RUFY2: variants seen among roughly 807,000 people sequenced by gnomAD.
The protein encoded by RUFY2 is RUN and FYVE domain containing 2.
RUFY2 carries 49 observed loss-of-function variants against 94.4 expected under a neutral mutation model. The ratio of observed to expected loss-of-function variants is 0.52; its 90% CI spans 0.41 to 0.66. The LOEUF (loss-of-function observed/expected upper bound fraction) is 0.66. Among genes scored for constraint, RUFY2 ranks in the 30% least tolerant of loss-of-function variants. The probability of loss-of-function intolerance (pLI) is 0.00; values close to 1 mark genes in which losing one functional copy is unlikely to be tolerated. For synonymous variants in RUFY2, 255 were observed against 235.7 expected (o/e 1.08, Z -0.75); for missense variants, 541 against 692.8 (o/e 0.78, Z 2.46).
chr10:68,392,613 A>G (rs932285143), intron 7 of RUFY2, among the ~76,000 whole-genome samples: 27 of 151,980 alleles, frequency 1.8e-4, no homozygotes, highest in African/African-American at 6.5e-4. Context: ...AATCTGATGA[A>G]GATTCTGTAT....
intron 12 of RUFY2, chr10:68,377,382 T>TCTG: frequency 9.7e-7 from 1 of 1,035,950 alleles, no homozygotes; most frequent in Non-Finnish European, 1.2e-6. Flanking sequence ...CTGTTATATG[T>TCTG]TATGCTAGGA....
chr10:68,378,210 AT>A (rs1028774593), intron 12 of RUFY2: 1 of 999,426 alleles, frequency 1.0e-6, no homozygotes, highest in Non-Finnish European at 1.2e-6. Context: ...TGAGAAAAAA[AT>A]ATCTGTGCCA....
intron 16 of RUFY2, 190 bp from the exon 17 acceptor site, chr10:68,346,274 T>C (rs1358792581): frequency 1.8e-6 from 1 of 543,636 alleles, no homozygotes; most frequent in East Asian, 3.3e-5. Context: ...GTTGGGGAGG[T>C]GGGATGTGGA....
intron 12 of RUFY2, chr10:68,378,639 T>C (rs1382048279): frequency 6.2e-7 from 1 of 1,613,012 alleles, no homozygotes; most frequent in Non-Finnish European, 8.5e-7. Context: ...GACATTGCAA[T>C]TGTCCTAGTT....
chr10:68,342,585 TATC>T, downstream of RUFY2: 1 of 152,696 alleles, frequency 6.5e-6, no homozygotes, highest in Non-Finnish European at 1.5e-5. Flanking sequence ...AAATGTCATT[TATC>T]AGGCATAGCT....
At position 68,394,317 on chromosome 10, in the gene RUFY2, C is replaced by G. The variant is rs370132178; in HGVS notation, c.522+11G>C. ...AACACTCTGCATTTGGCACTAGTCA[C>G]TTTCACTTACTTGTGAGTCTAAATC... On this transcript the variant is annotated intron_variant, in intron 5 of 17. Transcript: ENST00000602465. 1.9e-6 allele frequency: 3 copies of G among 1,613,732 alleles called. No individual in the cohort carries two copies. The African/African-American group carries it at 4.0e-5, about 22-fold the overall frequency.
intron 15 of RUFY2, among the ~76,000 whole-genome samples, chr10:68,359,548 T>C (rs1247698544): frequency 1.4e-5 from 2 of 144,334 alleles, no homozygotes; most frequent in Admixed American, 7.2e-5. Context: ...AATGCTACTA[T>C]ATATAAAAAT....
Position 68,345,268 on chromosome 10 carries a change from G to A in RUFY2, c.*500C>T, listed in dbSNP as rs986329758. Reference sequence around the variant, plus strand: ...AATATTGGCCCTGTCTAATGCAAGAGGCAAAGGGAGAGGGGGAGAAGAAAG... The same window carrying A: ...AATATTGGCCCTGTCTAATGCAAGAAGCAAAGGGAGAGGGGGAGAAGAAAG... On this transcript the variant is annotated 3_prime_UTR_variant, in exon 18 of 18. Transcript: ENST00000602465. 4 of 199,716 alleles carry A rather than the reference G, an allele frequency of 2.0e-5. No homozygotes were observed. The highest frequency in any genetic ancestry group is 3.0e-5 in the Non-Finnish European group (3 of 100,138). The allele number at this position is 199,716 out of a possible 1,614,324, so 12.4% of individuals were successfully genotyped here. A position where few individuals can be genotyped will look rare whatever the true frequency, so the allele number is the denominator to read the frequency against.
At chr10:68,351,367 A>G (rs2046657122) in intron 16 of RUFY2, among the ~76,000 whole-genome samples, 1 of 149,040 alleles carries the variant, frequency 6.7e-6, no homozygotes. Context: ...CAAACTCCTG[A>G]CCTTGTGATC....
In RUFY2 at chr10:68,377,518, G is replaced by GTA. The variant is rs915279648; in HGVS notation, c.1206-547_1206-546insTA. ...ACTAAATTATGCCGAAGCTCTGTGTGTGTGTGTGTGTGCACGTGTGCATAT... is the reference window on the plus strand; with the variant it reads ...ACTAAATTATGCCGAAGCTCTGTGTGTATGTGTGTGTGTGCACGTGTGCATAT... On this transcript the variant is annotated intron_variant, in intron 12 of 17. Transcript: ENST00000602465. 6 of 986,638 alleles carry GTA rather than the reference G, an allele frequency of 6.1e-6. No individual in the cohort carries two copies. In the African/African-American group the frequency reaches 7.0e-5, roughly 11 times the overall value. The allele number at this position is 986,638 out of a possible 1,614,324, so 61.1% of individuals were successfully genotyped here.
intron 15 of RUFY2, among the ~76,000 whole-genome samples, chr10:68,360,372 G>C (rs2047374148): frequency 1.3e-5 from 2 of 151,750 alleles, no homozygotes; most frequent in South Asian, 4.2e-4. Context: ...GAAGCAAGAG[G>C]ACTCCTTGAG....
intron 13 of RUFY2, 79 bp from the exon 14 acceptor site, chr10:68,364,192 C>A: frequency 7.3e-7 from 1 of 1,369,142 alleles, no homozygotes; most frequent in East Asian, 2.5e-5. Flanking sequence ...CTAAAATCAC[C>A]CTTTTGGTTT....
At chr10:68,364,149 A>G in intron 13 of RUFY2, 36 bp from the exon 14 acceptor site, 16 of 1,587,910 alleles carry the variant, frequency 1.0e-5, no homozygotes, top group Admixed American at 1.7e-5. Flanking sequence ...GCTCAGTGCT[A>G]TTTCTCACAC....
In RUFY2 at chr10:68,371,625, G is replaced by C. The variant is rs572770504; in HGVS notation, c.1325+5228C>G. ...AAAAGACCCAACATTCACGGTATCA[G>C]AGGCTCTGAAGGGGAGAAGAAAGCA... is the stretch of plus-strand genomic sequence containing the variant. On this transcript the variant is annotated intron_variant, in intron 13 of 17. Coordinates refer to ENST00000602465, the MANE Select transcript of RUFY2 (RefSeq NM_001330103.2). Among the ~76,000 whole-genome samples, 3 of 150,746 alleles carry C rather than the reference G, an allele frequency of 2.0e-5. No individual in the cohort carries two copies. In the South Asian group the frequency reaches 6.3e-4, roughly 32 times the overall value.
intron 16 of RUFY2, among the ~76,000 whole-genome samples, chr10:68,350,293 G>T (rs2046575840): frequency 6.6e-6 from 1 of 152,154 alleles, no homozygotes; most frequent in African/African-American, 2.4e-5. Context: ...TTACAGCCGT[G>T]AGCCACCATG....
chr10:68,394,473 G>T, intron 4 of RUFY2, 22 bp from the exon 5 acceptor site: 1 of 1,553,586 alleles, frequency 6.4e-7, no homozygotes. Flanking sequence ...TAAAAAATAA[G>T]GACTTTAAAT....
At chr10:68,400,278 T>G (rs1023986792) in intron 3 of RUFY2, among the ~76,000 whole-genome samples, 2 of 151,912 alleles carry the variant, frequency 1.3e-5, no homozygotes, top group Admixed American at 6.6e-5. Context: ...ATTGCACCAC[T>G]GCACTCCAGT....
intron 16 of RUFY2, among the ~76,000 whole-genome samples, chr10:68,351,050 T>A (rs1160599628): frequency 6.6e-6 from 1 of 152,042 alleles, no homozygotes; most frequent in Non-Finnish European, 1.5e-5. Flanking sequence ...TGCATTCTTA[T>A]ATGCATATTT....
At chr10:68,377,512 CTG>C (rs138187780) in intron 12 of RUFY2, 1,296 of 875,448 alleles carry the variant, frequency 1.5e-3, no homozygotes, top group Non-Finnish European at 1.6e-3. Context: ...TGCCGAAGCT[CTG>C]TGTGTGTGTG....
Sources: gnomAD v4.1 joint callset for allele counts (sites outside exome capture counted in the v4.1 genomes callset) on GRCh38, gnomAD v4.1.1 for gene constraint, MANE v1.5 for transcripts, NCBI Gene and HGNC (gene_info 2026-07-23, HGNC 2026-07-21) for gene names.